CTNNA3: variants seen among roughly 807,000 people sequenced by gnomAD.
CTNNA3 encodes catenin alpha-3.
A neutral mutation model predicts 95.7 loss-of-function variants in CTNNA3; 76 were observed. The ratio of observed to expected loss-of-function variants is 0.79; its 90% CI spans 0.66 to 0.96. The LOEUF is 0.96. Ranked by LOEUF, CTNNA3 falls within the 40% of genes least tolerant of loss-of-function variation. The pLI is 0.00. For missense variants in CTNNA3, 1,191 were observed against 1,089.8 expected (o/e 1.09, Z -1.31); for synonymous variants, 431 against 374.4 (o/e 1.15, Z -1.74).
intron 5 of CTNNA3, among the ~76,000 whole-genome samples, chr10:67,244,605 T>C (rs1018726768): frequency 6.6e-6 from 1 of 152,208 alleles, no homozygotes; most frequent in Non-Finnish European, 1.5e-5. Context: ...TCCTCTGTTC[T>C]TCAGAAATTG....
chr10:66,041,045 T>C (rs1321571186), intron 15 of CTNNA3, among the ~76,000 whole-genome samples: 1 of 152,126 alleles, frequency 6.6e-6, no homozygotes, highest in African/African-American at 2.4e-5. Context: ...CTTAACCAAA[T>C]GATCAAGGTT....
intron 1 of CTNNA3, among the ~76,000 whole-genome samples, chr10:67,726,434 T>TATATAATATTATATATATG (rs1564841148): frequency 1.5e-5 from 1 of 67,988 alleles, no homozygotes; most frequent in East Asian, 5.1e-4. Flanking sequence ...TATTATATCA[T>TATATAATATTATATATATG]ATATAATATA....
chr10:66,264,964 G>A (rs2091111973), intron 13 of CTNNA3, among the ~76,000 whole-genome samples: 1 of 151,992 alleles, frequency 6.6e-6, no homozygotes, highest in Non-Finnish European at 1.5e-5. Context: ...TCCTAGAAGA[G>A]AAAACTGAAA....
chr10:66,691,125 T>G (rs190905030), intron 9 of CTNNA3, among the ~76,000 whole-genome samples: 12 of 152,252 alleles, frequency 7.9e-5, no homozygotes, highest in Admixed American at 6.5e-4. Context: ...GTGGGTGCAG[T>G]GCACCGTGCA....
intron 5 of CTNNA3, among the ~76,000 whole-genome samples, chr10:67,478,495 A>G (rs948111395): frequency 2.6e-5 from 4 of 152,224 alleles, no homozygotes; most frequent in African/African-American, 9.6e-5. Context: ...TTCTAAAAAG[A>G]AATTTCAACC....
intron 5 of CTNNA3, 22 bp from the exon 6 acceptor site, chr10:67,219,892 G>C (rs761495285): frequency 6.3e-7 from 1 of 1,583,866 alleles, no homozygotes; most frequent in Non-Finnish European, 8.6e-7. Context: ...AATAAAAAGA[G>C]TGGTATCTTA....
At chr10:66,639,091 T>C (rs1284342996) in intron 9 of CTNNA3, among the ~76,000 whole-genome samples, 2 of 152,132 alleles carry the variant, frequency 1.3e-5, no homozygotes, top group Admixed American at 6.6e-5. Flanking sequence ...GTTTAGTAAA[T>C]TGAATAGAAT....
At chr10:67,356,615 T>G (rs1247724783) in intron 5 of CTNNA3, among the ~76,000 whole-genome samples, 1 of 152,014 alleles carries the variant, frequency 6.6e-6, no homozygotes, top group Non-Finnish European at 1.5e-5. Flanking sequence ...TGACCTCAAC[T>G]CCAAGTATCC....
chr10:67,314,574 G>A lies in CTNNA3; in HGVS notation c.580-94704C>T, dbSNP rs183691415. The stretch of plus-strand genomic sequence containing the variant: ...TAAATAATATTCCCCAACCTGCTCT[G>A]AAGTCTTATTCCCCGAAGGCAACAA... On this transcript the variant is annotated intron_variant, in intron 5 of 17. Transcript: ENST00000433211. 2.6e-5 allele frequency among the ~76,000 whole-genome samples: 4 copies of A among 152,236 alleles called. No individual in the cohort carries two copies. In the East Asian group the frequency reaches 7.7e-4, roughly 29 times the overall value.
intron 7 of CTNNA3, among the ~76,000 whole-genome samples, chr10:66,794,577 G>T (rs1262147414): frequency 6.6e-6 from 1 of 152,154 alleles, no homozygotes; most frequent in Non-Finnish European, 1.5e-5. Context: ...GGAGGGTCTT[G>T]CCTCAATGTT....
intron 7 of CTNNA3, among the ~76,000 whole-genome samples, chr10:66,911,033 C>T (rs1463106658): frequency 6.6e-6 from 1 of 152,186 alleles, no homozygotes; most frequent in African/African-American, 2.4e-5. Flanking sequence ...CTTTTGTTTA[C>T]CTTGTTACTT....
At chr10:66,670,569 T>C (rs1846623974) in intron 9 of CTNNA3, among the ~76,000 whole-genome samples, 1 of 152,154 alleles carries the variant, frequency 6.6e-6, no homozygotes, top group African/African-American at 2.4e-5. Context: ...CCTCTTCTCT[T>C]CTAGGCTCCC....
At chr10:65,958,780 G>A (rs562521064) in intron 17 of CTNNA3, among the ~76,000 whole-genome samples, 20 of 152,262 alleles carry the variant, frequency 1.3e-4, no homozygotes, top group Non-Finnish European at 1.5e-4. Context: ...GCAACCAGGC[G>A]TATGAGGTGT....
chr10:66,264,484 A>C (rs1255645973), intron 13 of CTNNA3, among the ~76,000 whole-genome samples: 1 of 151,984 alleles, frequency 6.6e-6, no homozygotes, highest in Non-Finnish European at 1.5e-5. Context: ...TAATTTGTGT[A>C]AGTCAAAGTG....
At chr10:66,509,446 A>T (rs1840578369) in intron 11 of CTNNA3, among the ~76,000 whole-genome samples, 1 of 151,940 alleles carries the variant, frequency 6.6e-6, no homozygotes, top group South Asian at 2.1e-4. Flanking sequence ...CTTTGCCTGG[A>T]TCAGTGTCCT....
intron 5 of CTNNA3, among the ~76,000 whole-genome samples, chr10:67,292,181 A>G (rs1461641484): frequency 6.6e-6 from 1 of 152,018 alleles, no homozygotes; most frequent in Non-Finnish European, 1.5e-5. Context: ...TAATTTCTTT[A>G]TGGCCAGTTT....
chr10:66,873,685 T>G lies in CTNNA3; in HGVS notation c.1048-98161A>C, dbSNP rs1844502340. 2.6e-5 allele frequency among the ~76,000 whole-genome samples: 4 copies of G among 152,066 alleles called. No individual in the cohort carries two copies. The South Asian group carries it at 8.3e-4, about 32-fold the overall frequency. On this transcript the variant is annotated intron_variant, in intron 7 of 17. Coordinates refer to ENST00000433211, the MANE Select transcript of CTNNA3 (RefSeq NM_013266.4). ...AAGGACGCCCCCATTCAACAAATGG[T>G]GCTGGGATAACTGGCTAGCCATAGG... is the stretch of plus-strand genomic sequence containing the variant.
intron 5 of CTNNA3, among the ~76,000 whole-genome samples, chr10:67,388,485 T>G (rs780785053): frequency 2.0e-3 from 259 of 126,922 alleles, no homozygotes; most frequent in Middle Eastern, 0.015. Flanking sequence ...GAAAACACTC[T>G]GCAGGATATT....
intron 10 of CTNNA3, among the ~76,000 whole-genome samples, chr10:66,565,213 A>G (rs750214044): frequency 6.6e-6 from 1 of 152,088 alleles, no homozygotes; most frequent in Non-Finnish European, 1.5e-5. Context: ...CAATCACTTC[A>G]CCAATTTGTT....
Sources: gnomAD v4.1 joint callset for allele counts (sites outside exome capture counted in the v4.1 genomes callset) on GRCh38, gnomAD v4.1.1 for gene constraint, MANE v1.5 for transcripts, NCBI Gene and HGNC (gene_info 2026-07-23, HGNC 2026-07-21) for gene names.